The following PDE7B variants were observed in gnomAD, a reference collection of about 807,000 sequenced individuals.
The protein encoded by PDE7B is 3',5'-cyclic-AMP phosphodiesterase 7B.
A neutral mutation model predicts 56.2 loss-of-function variants in PDE7B; 29 were observed. The observed-to-expected ratio is 0.52, with a 90% confidence interval of 0.38 to 0.70. The LOEUF is 0.70. PDE7B is among the 30% of genes least tolerant of loss of function. The pLI, the probability that PDE7B is intolerant of heterozygous loss-of-function variation, is 0.00. For synonymous variants in PDE7B, 197 were observed against 196.9 expected, an observed-to-expected ratio of 1.00 and a Z score of 0.00; for missense variants, 490 against 565.0, an observed-to-expected ratio of 0.87 and a Z score of 1.35.
intron 1 of PDE7B, among the ~76,000 whole-genome samples, chr6:135,907,547 C>T (rs1776138139): frequency 6.6e-6 from 1 of 152,074 alleles, no homozygotes; most frequent in African/African-American, 2.4e-5. Flanking sequence ...CTGCTATGCT[C>T]AGGCCTGCAA....
At chr6:136,102,269 G>T (rs774483420) in intron 2 of PDE7B, among the ~76,000 whole-genome samples, 15 of 152,080 alleles carry the variant, frequency 9.9e-5, no homozygotes, top group Non-Finnish European at 1.9e-4. Context: ...GAGCTGGTAG[G>T]GGGTGGGTGG....
intron 2 of PDE7B, among the ~76,000 whole-genome samples, chr6:136,063,262 G>C (rs1474223483): frequency 6.6e-6 from 1 of 152,172 alleles, no homozygotes; most frequent in Non-Finnish European, 1.5e-5. Context: ...TTAATGAACA[G>C]CATCTGATTA....
At chr6:135,907,737 A>G (rs1776141563) in intron 1 of PDE7B, among the ~76,000 whole-genome samples, 1 of 152,176 alleles carries the variant, frequency 6.6e-6, no homozygotes, top group African/African-American at 2.4e-5. Flanking sequence ...AAATACATGT[A>G]ATACTCTTAT....
intron 2 of PDE7B, among the ~76,000 whole-genome samples, chr6:136,080,280 CCAAACTCACA>C (rs1280973960): frequency 6.6e-6 from 1 of 152,198 alleles, no homozygotes; most frequent in Non-Finnish European, 1.5e-5. Flanking sequence ...TACAGGCTCT[CCAAACTCACA>C]CAAGTCCCCT....
intron 2 of PDE7B, among the ~76,000 whole-genome samples, chr6:135,986,761 T>A (rs193063370): frequency 1.3e-5 from 2 of 152,226 alleles, no homozygotes; most frequent in South Asian, 4.1e-4. Flanking sequence ...AGAAAGGAGT[T>A]TTATGATTAG....
At chr6:135,866,468 C>T (rs1775263519) in intron 1 of PDE7B, among the ~76,000 whole-genome samples, 1 of 152,026 alleles carries the variant, frequency 6.6e-6, no homozygotes, top group African/African-American at 2.4e-5. Context: ...TGTTACTTGC[C>T]AGTAGTACTT....
intron 1 of PDE7B, among the ~76,000 whole-genome samples, chr6:135,877,864 C>T (rs1775529934): frequency 6.6e-6 from 1 of 151,868 alleles, no homozygotes; most frequent in Non-Finnish European, 1.5e-5. Context: ...GTGTAAAACA[C>T]GTGCTTCAGA....
At chr6:136,114,315 AAG>A (rs1777797725) in intron 3 of PDE7B, among the ~76,000 whole-genome samples, 1 of 152,200 alleles carries the variant, frequency 6.6e-6, no homozygotes, top group Non-Finnish European at 1.5e-5. Flanking sequence ...CCTTTCTATG[AAG>A]AAGTGACCCA....
Position 135,992,527 on chromosome 6 carries a change from G to A in PDE7B, c.82+45003G>A, listed in dbSNP as rs148234456. 3.6e-3 allele frequency among the ~76,000 whole-genome samples: 551 copies of A among 152,238 alleles called. 3 individuals carry two copies. The highest frequency in any genetic ancestry group is 0.012 in the African/African-American group (518 of 41,536). On this transcript the variant is annotated intron_variant, in intron 2 of 12. Transcript: ENST00000308191. ...TGCACAGTGCCTAACACTGGGTCTTGGGCAGTAAACACTTAATAACACCTG... is the reference window on the plus strand; with the variant it reads ...TGCACAGTGCCTAACACTGGGTCTTAGGCAGTAAACACTTAATAACACCTG...
chr6:135,970,798 T>C (rs1775081698), intron 2 of PDE7B, among the ~76,000 whole-genome samples: 1 of 152,130 alleles, frequency 6.6e-6, no homozygotes, highest in Non-Finnish European at 1.5e-5. Context: ...TGGTTTGGCC[T>C]AGGGAGACTG....
intron 2 of PDE7B, among the ~76,000 whole-genome samples, chr6:136,091,192 A>G (rs555017740): frequency 6.6e-6 from 1 of 152,316 alleles, no homozygotes; most frequent in Admixed American, 6.5e-5. Flanking sequence ...ACTGTAAAAA[A>G]TATGCCCAGA....
At chr6:135,880,469 G>GT (rs1403536566) in intron 1 of PDE7B, among the ~76,000 whole-genome samples, 1 of 152,184 alleles carries the variant, frequency 6.6e-6, no homozygotes, top group Non-Finnish European at 1.5e-5. Flanking sequence ...CAAGGGTACG[G>GT]TAAGTTGTAT....
chr6:136,089,084 G>A (rs1285930841), intron 2 of PDE7B, among the ~76,000 whole-genome samples: 1 of 152,016 alleles, frequency 6.6e-6, no homozygotes, highest in Non-Finnish European at 1.5e-5. Context: ...GAGAACTTCA[G>A]TACCTCATTT....
In PDE7B at chr6:136,153,046, G is replaced by T. The variant is rs1050786293; in HGVS notation, c.479-1029G>T. On this transcript the variant is annotated intron_variant, in intron 6 of 12. Coordinates refer to ENST00000308191, the MANE Select transcript of PDE7B (RefSeq NM_018945.4). ...TATACCTGCTGAATAAAAAGTATGT[G>T]CAACACAACAGAAATATTTGAAACC... Among the ~76,000 whole-genome samples, 19 of 152,150 alleles carry T rather than the reference G, an allele frequency of 1.2e-4. 1 individual carries two copies. Among genetic ancestry groups the T allele is most frequent in the African/African-American group, 4.6e-4 (19 of 41,448 alleles).
intron 2 of PDE7B, among the ~76,000 whole-genome samples, chr6:136,100,586 A>G (rs1400110515): frequency 6.6e-6 from 1 of 152,072 alleles, no homozygotes; most frequent in East Asian, 1.9e-4. Flanking sequence ...TTAGTGGTGT[A>G]TGGAATGCTT....
At chr6:136,133,387 A>T (rs1672958304) in intron 3 of PDE7B, among the ~76,000 whole-genome samples, 1 of 152,134 alleles carries the variant, frequency 6.6e-6, no homozygotes, top group Admixed American at 6.6e-5. Flanking sequence ...CTAAAGATGC[A>T]CTTATAATCA....
At chr6:135,998,050 T>C (rs1022001521) in intron 2 of PDE7B, among the ~76,000 whole-genome samples, 1 of 152,234 alleles carries the variant, frequency 6.6e-6, no homozygotes, top group South Asian at 2.1e-4. Flanking sequence ...AGTGTATTGA[T>C]AGAATATGGC....
intron 1 of PDE7B, among the ~76,000 whole-genome samples, chr6:135,919,791 C>T (rs1446370908): frequency 1.3e-5 from 2 of 152,120 alleles, no homozygotes; most frequent in African/African-American, 4.8e-5. Context: ...ATCTGATCCA[C>T]GAAGGAGTTG....
intron 1 of PDE7B, among the ~76,000 whole-genome samples, chr6:135,939,551 G>A (rs1192109289): frequency 1.3e-5 from 2 of 152,208 alleles, no homozygotes; most frequent in Admixed American, 1.3e-4. Context: ...CTCTGGCACC[G>A]GAGTGCTGAG....
Sources: gnomAD v4.1 joint callset for allele counts (sites outside exome capture counted in the v4.1 genomes callset) on GRCh38, gnomAD v4.1.1 for gene constraint, MANE v1.5 for transcripts, NCBI Gene and HGNC (gene_info 2026-07-23, HGNC 2026-07-21) for gene names.